Variants in DLG2 observed in about 807,000 individuals in gnomAD.
DLG2 encodes discs large MAGUK scaffold protein 2.
A neutral mutation model predicts 132.5 loss-of-function variants in DLG2; 45 were observed. The observed-to-expected ratio is 0.34, with a 90% CI of 0.27 to 0.44. The LOEUF (loss-of-function observed/expected upper bound fraction) is 0.44, where lower values mean the gene tolerates loss of function less well. Among genes scored for constraint, DLG2 ranks in the 20% least tolerant of loss-of-function variants. The probability of loss-of-function intolerance (pLI) is 1.00; values close to 1 mark genes in which losing one functional copy is unlikely to be tolerated. For synonymous variants in DLG2, 424 were observed against 419.6 expected, an observed-to-expected ratio of 1.01 and a Z score of -0.13; for missense variants, 1,045 against 1,196.9, an observed-to-expected ratio of 0.87 and a Z score of 1.87.
upstream of DLG2, chr11:85,627,697 T>C (rs2153297676): frequency 6.6e-6 from 1 of 152,398 alleles, no homozygotes; most frequent in South Asian, 2.1e-4. Flanking sequence ...ACCTTCCTTT[T>C]GCAGAAAAGA....
At chr11:85,438,308 G>GA (rs1392071857) in intron 3 of DLG2, among the ~76,000 whole-genome samples, 2 of 152,010 alleles carry the variant, frequency 1.3e-5, no homozygotes, top group Admixed American at 6.6e-5. Context: ...GATTTGGAGG[G>GA]AAAAAATATC....
At chr11:85,450,677 T>C (rs1373478064) in intron 3 of DLG2, among the ~76,000 whole-genome samples, 3 of 152,202 alleles carry the variant, frequency 2.0e-5, no homozygotes, top group African/African-American at 4.8e-5. Flanking sequence ...CCAACCCCAA[T>C]CTGGGGCTTT....
chr11:85,453,055 CAAAGA>C, intron 3 of DLG2: 1 of 189,188 alleles, frequency 5.3e-6, no homozygotes, highest in Non-Finnish European at 1.1e-5. Flanking sequence ...TCACCAAACA[CAAAGA>C]AAAGAGAGGA....
At chr11:84,428,169 T>C (rs1463993907) in intron 7 of DLG2, among the ~76,000 whole-genome samples, 1 of 152,194 alleles carries the variant, frequency 6.6e-6, no homozygotes, top group East Asian at 1.9e-4. Context: ...TACTTCTCCT[T>C]TTTAAAAAAT....
At chr11:84,622,433 T>C (rs557211088) in intron 6 of DLG2, among the ~76,000 whole-genome samples, 60 of 152,166 alleles carry the variant, frequency 3.9e-4, no homozygotes, top group Non-Finnish European at 4.3e-4. Context: ...CATTCTTGGA[T>C]ATGAAATCCA....
chr11:85,080,948 G>T (rs574268150), intron 6 of DLG2, among the ~76,000 whole-genome samples: 4 of 152,126 alleles, frequency 2.6e-5, no homozygotes, highest in Non-Finnish European at 4.4e-5. Flanking sequence ...TGTTAAAAAG[G>T]CTCAAAACAT....
At chr11:85,334,291 T>C (rs2081977409) in intron 3 of DLG2, among the ~76,000 whole-genome samples, 1 of 152,120 alleles carries the variant, frequency 6.6e-6, no homozygotes, top group Non-Finnish European at 1.5e-5. Flanking sequence ...CCTTTGTCAT[T>C]TCTGGTTGTG....
chr11:85,325,080 G>A (rs796767182), intron 3 of DLG2, among the ~76,000 whole-genome samples: 18 of 137,296 alleles, frequency 1.3e-4, no homozygotes, highest in African/African-American at 4.2e-4. Context: ...AAGAAACGGC[G>A]CACCACGAGA....
intron 6 of DLG2, among the ~76,000 whole-genome samples, chr11:84,978,799 C>T (rs1219992987): frequency 6.6e-6 from 1 of 152,212 alleles, no homozygotes; most frequent in East Asian, 1.9e-4. Context: ...GCAACAAAAG[C>T]CAAAATTGAC....
chr11:84,200,488 G>A (rs1402024207), intron 8 of DLG2, among the ~76,000 whole-genome samples: 9 of 152,016 alleles, frequency 5.9e-5, no homozygotes, highest in Admixed American at 5.9e-4. Context: ...TTTTGATAAT[G>A]CTTCCCAATT....
intron 6 of DLG2, among the ~76,000 whole-genome samples, chr11:85,075,207 T>G (rs1331167617): frequency 6.6e-6 from 1 of 151,950 alleles, no homozygotes; most frequent in Non-Finnish European, 1.5e-5. Flanking sequence ...TTTTACACTG[T>G]TAGTGAAAAT....
At chr11:83,539,355 G>T (rs1265366718) in intron 20 of DLG2, among the ~76,000 whole-genome samples, 3 of 151,984 alleles carry the variant, frequency 2.0e-5, no homozygotes, top group Non-Finnish European at 4.4e-5. Flanking sequence ...TTCCAGATCA[G>T]CACTACTAGG....
chr11:85,429,663 A>G (rs938193152), intron 3 of DLG2, among the ~76,000 whole-genome samples: 12 of 152,236 alleles, frequency 7.9e-5, no homozygotes, highest in African/African-American at 2.4e-4. Context: ...ATGAGATACC[A>G]TCTCACGCCA....
rs571749131 is a variant in DLG2, at chr11:83,791,796, C to G, written c.1723-5004G>C. Among the ~76,000 whole-genome samples, 25 of 152,328 alleles carry G rather than the reference C, an allele frequency of 1.6e-4. No homozygotes were observed. The South Asian group carries it at 5.2e-3, about 32-fold the overall frequency. On this transcript the variant is annotated intron_variant, in intron 17 of 27. Coordinates refer to ENST00000376104, the MANE Select transcript of DLG2 (RefSeq NM_001142699.3). ...AAGGTGGCCGGGCTACGCTTCCTCT[C>G]CCAGGACCGGCGTGACTGCTGCGCT...
At chr11:85,196,049 A>G (rs1267419023) in intron 4 of DLG2, among the ~76,000 whole-genome samples, 2 of 152,180 alleles carry the variant, frequency 1.3e-5, no homozygotes, top group East Asian at 1.9e-4. Flanking sequence ...GAATTTTCAC[A>G]CTAAGTAGCT....
intron 6 of DLG2, among the ~76,000 whole-genome samples, chr11:84,568,153 A>C (rs530009743): frequency 2.6e-5 from 4 of 152,308 alleles, no homozygotes; most frequent in Admixed American, 2.0e-4. Context: ...ATACGTGATA[A>C]GTAACCAGTG....
At chr11:83,562,920 C>T (rs906806544) in intron 19 of DLG2, among the ~76,000 whole-genome samples, 1 of 150,862 alleles carries the variant, frequency 6.6e-6, no homozygotes, top group Non-Finnish European at 1.5e-5. Flanking sequence ...TTGTTCTCTG[C>T]ACATGGGGAG....
At chr11:83,603,196 A>G (rs1263162947) in intron 19 of DLG2, among the ~76,000 whole-genome samples, 2 of 152,196 alleles carry the variant, frequency 1.3e-5, no homozygotes, top group Non-Finnish European at 2.9e-5. Flanking sequence ...TACACCGATC[A>G]CCACGACAAA....
At chr11:83,710,893 A>G (rs2085259506) in intron 18 of DLG2, among the ~76,000 whole-genome samples, 1 of 152,226 alleles carries the variant, frequency 6.6e-6, no homozygotes, top group Admixed American at 6.5e-5. Context: ...TATGCTAGTA[A>G]CAATCATTTG....
Sources: gnomAD v4.1 joint callset for allele counts (sites outside exome capture counted in the v4.1 genomes callset) on GRCh38, gnomAD v4.1.1 for gene constraint, MANE v1.5 for transcripts, NCBI Gene and HGNC (gene_info 2026-07-23, HGNC 2026-07-21) for gene names.